Variants in F10 observed in about 807,000 individuals in gnomAD.
F10 encodes Stuart-Prower factor.
In F10, 29 loss-of-function variants were observed where a neutral mutation model predicts 37.1. The ratio of observed to expected loss-of-function variants is 0.78; its 90% CI spans 0.58 to 1.07. The LOEUF (loss-of-function observed/expected upper bound fraction) is 1.07. Among genes scored for constraint, F10 ranks in the 50% least tolerant of loss-of-function variants. The pLI is 0.00. For synonymous variants in F10, 262 were observed against 268.6 expected (o/e 0.98, Z 0.24); for missense variants, 539 against 667.9 (o/e 0.81, Z 2.13).
Position 113,143,340 on chromosome 13 carries a change from C to T in F10, c.503-511C>T, listed in dbSNP as rs1052680753. ...GCTCTCCTGTGCCTCCAGTTGTTTG[C>T]GTGCGCCATTCCTTCTGCCTGAAAA... On this transcript the variant is annotated intron_variant, in intron 5 of 7. Coordinates refer to ENST00000375559, the MANE Select transcript of F10 (RefSeq NM_000504.4). The surrounding 1 kb of genome is among the most constrained non-coding windows in gnomAD (Gnocchi z 6.8). Among the ~76,000 whole-genome samples, 22 of 152,184 alleles carry T rather than the reference C, an allele frequency of 1.4e-4. No homozygotes were observed. The highest frequency in any genetic ancestry group is 5.3e-4 in the African/African-American group (22 of 41,452).
At chr13:113,142,905 C>G (rs1317331798) in intron 5 of F10, among the ~76,000 whole-genome samples, 2 of 151,630 alleles carry the variant, frequency 1.3e-5, no homozygotes, top group Non-Finnish European at 2.9e-5. Flanking sequence ...GCACTCCAGC[C>G]TGGGAGACAA....
At chr13:113,148,363 T>TATATACAC (rs56165023) in intron 7 of F10, among the ~76,000 whole-genome samples, 7 of 110,348 alleles carry the variant, frequency 6.3e-5, no homozygotes, top group African/African-American at 2.4e-4. Flanking sequence ...TATATATATA[T>TATATACAC]GTATATATAT....
At chr13:113,132,477 A>G (rs1452390647) in intron 2 of F10, among the ~76,000 whole-genome samples, 2 of 152,246 alleles carry the variant, frequency 1.3e-5, no homozygotes, top group Non-Finnish European at 2.9e-5. Context: ...CTTCTAGATT[A>G]TCATCTAAGA....
chr13:113,127,488 AGAG>A (rs1378978901), intron 1 of F10, among the ~76,000 whole-genome samples: 2 of 152,204 alleles, frequency 1.3e-5, no homozygotes, highest in African/African-American at 2.4e-5. Flanking sequence ...CAAAATGAAA[AGAG>A]GAGGAGGAGT....
Position 113,147,463 on chromosome 13 carries a change from C to G in F10, c.832C>G (p.Leu278Val). 1 of 1,613,820 alleles carries G rather than the reference C, an allele frequency of 6.2e-7. No homozygotes were observed. The highest frequency in any genetic ancestry group is 8.5e-7 in the Non-Finnish European group (1 of 1,179,692). ...EFYILTAAHC[L>V]YQAKRFKVRV... ...CTACATCCTAACGGCAGCCCACTGT[C>G]TCTACCAAGCCAAGAGATTCAAGGT... is the stretch of plus-strand genomic sequence containing the variant. Residue 278 changes from leucine to valine, a missense_variant, in exon 7 of 8, where the codon CTC (leucine) becomes GTC (valine). Physicochemically the swap from Leu to Val is conservative, Grantham distance 32. Transcript: ENST00000375559.
chr13:113,136,296 G>C (rs552407688), intron 2 of F10, among the ~76,000 whole-genome samples: 1 of 152,078 alleles, frequency 6.6e-6, no homozygotes, highest in African/African-American at 2.4e-5. Context: ...AAAATGGCAC[G>C]GCCACTTTGA....
chr13:113,147,754 C>G (rs1031599798), intron 7 of F10, among the ~76,000 whole-genome samples: 1 of 152,154 alleles, frequency 6.6e-6, no homozygotes, highest in African/African-American at 2.4e-5. Context: ...GTCTCCGAGT[C>G]TCTGGGTCCC....
At chr13:113,126,776 C>T (rs2036374821) in intron 1 of F10, among the ~76,000 whole-genome samples, 1 of 152,228 alleles carries the variant, frequency 6.6e-6, no homozygotes, top group South Asian at 2.1e-4. Flanking sequence ...GTTTGGGAAA[C>T]ACTAAGCCAG....
chr13:113,129,201 T>C (rs1192032251), intron 1 of F10, among the ~76,000 whole-genome samples: 1 of 152,190 alleles, frequency 6.6e-6, no homozygotes, highest in African/African-American at 2.4e-5. Context: ...GAAGAAATAA[T>C]GAGGCGTGTG....
chr13:113,128,025 A>C (rs909022008), intron 1 of F10: 3 of 152,224 alleles, frequency 2.0e-5, no homozygotes, highest in African/African-American at 2.4e-5. Flanking sequence ...AGAAGGGTGC[A>C]TGGGTCTAGA....
At chr13:113,134,315 G>T (rs895405371) in intron 2 of F10, among the ~76,000 whole-genome samples, 1 of 152,186 alleles carries the variant, frequency 6.6e-6, no homozygotes, top group Non-Finnish European at 1.5e-5. Flanking sequence ...CTGCTGTGAA[G>T]AACTACCCGA....
chr13:113,147,605 G>A, intron 7 of F10, 109 bp downstream of exon 7: 1 of 780,610 alleles, frequency 1.3e-6, no homozygotes, highest in Non-Finnish European at 2.3e-6. Flanking sequence ...TTGAAATCCT[G>A]AAATCCTATT....
chr13:113,143,726 TGCCCCTC>T lies in F10; in HGVS notation c.503-124_503-118del. 1 of 1,423,580 alleles carries T rather than the reference TGCCCCTC, an allele frequency of 7.0e-7. No individual in the cohort carries two copies. Among genetic ancestry groups the T allele is most frequent in the South Asian group, 1.3e-5 (1 of 77,342 alleles). The allele number at this position is 1,423,580 out of a possible 1,614,324, so 88.2% of individuals were successfully genotyped here. The stretch of plus-strand genomic sequence containing the variant: ...GTGGGGCCTCGCCCTGCAAGCCCGC[TGCCCCTC>T]CGGGTGCCCCTGCGCTCTGCCTCCC... On this transcript the variant is annotated intron_variant, in intron 5 of 7. Coordinates refer to ENST00000375559, the MANE Select transcript of F10 (RefSeq NM_000504.4). The surrounding 1 kb of genome is among the most constrained non-coding windows in gnomAD (Gnocchi z 6.8).
At chr13:113,137,552 A>G (rs1188179104) in intron 2 of F10, among the ~76,000 whole-genome samples, 1 of 152,222 alleles carries the variant, frequency 6.6e-6, no homozygotes, top group Non-Finnish European at 1.5e-5. Flanking sequence ...AACCATAACA[A>G]AGCACTACAA....
chr13:113,123,854 A>G (rs1033703608), intron 1 of F10, among the ~76,000 whole-genome samples: 5 of 147,384 alleles, frequency 3.4e-5, no homozygotes, highest in African/African-American at 1.2e-4. Context: ...CCCCTGAGCC[A>G]CATCTTCCTG....
intron 1 of F10, chr13:113,128,886 GAAAAAAAAAAAAA>G (rs778396585): frequency 6.7e-5 from 3 of 44,818 alleles, no homozygotes; most frequent in South Asian, 1.1e-3. Flanking sequence ...ATCTTAAAGA[GAAAAAAAAAAAAA>G]AAAAAAAAAA....
At chr13:113,145,093 G>GA (rs1194638046) in intron 6 of F10, among the ~76,000 whole-genome samples, 1 of 152,146 alleles carries the variant, frequency 6.6e-6, no homozygotes, top group Non-Finnish European at 1.5e-5. Flanking sequence ...TGTTAGCCAG[G>GA]ATGGTCTCCA....
chr13:113,132,456 T>C (rs1294384514), intron 2 of F10, among the ~76,000 whole-genome samples: 1 of 152,254 alleles, frequency 6.6e-6, no homozygotes, highest in Non-Finnish European at 1.5e-5. Flanking sequence ...AAAACACATA[T>C]GCATGCATTT....
chr13:113,144,283 C>G lies in F10; in HGVS notation c.747+188C>G. Reference sequence around the variant, plus strand: ...TCCGGGCAGCCAAGGAGGCTGTGAGCTCCACAGGGAAGTGGCCGGGGCTGA... The same window carrying G: ...TCCGGGCAGCCAAGGAGGCTGTGAGGTCCACAGGGAAGTGGCCGGGGCTGA... On this transcript the variant is annotated intron_variant, in intron 6 of 7. Transcript: ENST00000375559. This position sits in a 1 kb window ranked among gnomAD's most constrained non-coding sequence, Gnocchi z 6.4. 3.5e-6 allele frequency: 3 copies of G among 859,254 alleles called. No individual in the cohort carries two copies. The South Asian group carries it at 4.9e-5, about 14-fold the overall frequency. 53.2% of individuals were successfully genotyped at this position (859,254 alleles called of 1,614,324 possible).
Sources: gnomAD v4.1 joint callset for allele counts (sites outside exome capture counted in the v4.1 genomes callset) on GRCh38, gnomAD v4.1.1 for gene constraint, Gnocchi (gnomAD v3.1) non-coding constraint, MANE v1.5 for transcripts, NCBI Gene and HGNC (gene_info 2026-07-23, HGNC 2026-07-21) for gene names.